The following MTM1 variants were observed in gnomAD, a reference collection of about 807,000 sequenced individuals.
The protein encoded by MTM1 is myotubularin 1, also known as myotubularin.
A neutral mutation model predicts 52.1 loss-of-function variants in MTM1; 9 were observed. The ratio of observed to expected loss-of-function variants is 0.17; its 90% CI spans 0.10 to 0.30. MTM1 has a LOEUF of 0.30. Among genes scored for constraint, MTM1 ranks in the 10% least tolerant of loss-of-function variants. The pLI is 1.00. For missense variants in MTM1, 277 were observed against 470.7 expected (o/e 0.59, Z 3.81); for synonymous variants, 136 against 163.8 (o/e 0.83, Z 1.29).
chrX:150,608,381 G>T lies in MTM1; in HGVS notation c.232-6208G>T, dbSNP rs138110882. ...CTATAGCTGCACACTACCATGGCCA[G>T]CTAATTTTTGTATTTTTTGTAGAGA... is the stretch of plus-strand genomic sequence containing the variant. On this transcript the variant is annotated intron_variant, in intron 4 of 14. Transcript: ENST00000370396. Among the ~76,000 whole-genome samples the T allele has an allele frequency of 6.0e-3, 660 of 110,354 alleles. 4 individuals carry two copies. Among genetic ancestry groups the T allele is most frequent in the African/African-American group, 0.02 (618 of 30,287 alleles).
At chrX:150,608,631 CACAT>C (rs1262815830) in intron 4 of MTM1, among the ~76,000 whole-genome samples, 2 of 111,835 alleles carry the variant, frequency 1.8e-5, no homozygotes, top group Non-Finnish European at 3.8e-5. Context: ...AGCATGGCCT[CACAT>C]ACATATTTTG....
Position 150,671,842 on chromosome X carries a change from T to C in MTM1, c.*247T>C. 2.5e-6 allele frequency: 1 copy of C among 405,183 alleles called. No homozygotes were observed. Among genetic ancestry groups the C allele is most frequent in the Non-Finnish European group, 4.3e-6 (1 of 233,850 alleles). 33.4% of individuals were successfully genotyped at this position (405,183 alleles called of 1,213,427 possible). On this transcript the variant is annotated 3_prime_UTR_variant, in exon 15 of 15. Transcript: ENST00000370396. Reference sequence around the variant, plus strand: ...ACCCTGACACCTTTAAAAAGCAGTTTTTGAAAGACAAAATTTAGATTTAAT... The same window carrying C: ...ACCCTGACACCTTTAAAAAGCAGTTCTTGAAAGACAAAATTTAGATTTAAT...
intron 6 of MTM1, 131 bp downstream of exon 6, chrX:150,619,270 G>A: frequency 1.9e-6 from 1 of 540,208 alleles, no homozygotes; most frequent in Middle Eastern, 3.6e-4. Context: ...CTGCAGAGGT[G>A]TTTATTAAAT....
intron 9 of MTM1, among the ~76,000 whole-genome samples, chrX:150,648,683 T>TG (rs1193922711): frequency 8.9e-6 from 1 of 112,814 alleles, no homozygotes; most frequent in African/African-American, 3.2e-5. Flanking sequence ...GTGTGGAAAA[T>TG]GGGCACTCTT....
chrX:150,658,692 A>G (rs1342151863), intron 11 of MTM1, among the ~76,000 whole-genome samples: 1 of 111,628 alleles, frequency 9.0e-6, no homozygotes, highest in African/African-American at 3.3e-5. Flanking sequence ...CCCTCTGAAT[A>G]TACATTTTGA....
intron 1 of MTM1, among the ~76,000 whole-genome samples, chrX:150,583,411 A>G (rs1408617146): frequency 2.4e-5 from 1 of 41,643 alleles, no homozygotes; most frequent in Non-Finnish European, 3.7e-5. Flanking sequence ...TATATATATT[A>G]TATTATATAT....
At chrX:150,670,895 A>G (rs1476044984) in intron 14 of MTM1, among the ~76,000 whole-genome samples, 3 of 112,202 alleles carry the variant, frequency 2.7e-5, no homozygotes, top group East Asian at 2.8e-4. Context: ...TATTCCTTCA[A>G]TGCAACTTAA....
chrX:150,633,976 A>C (rs2039714713), intron 6 of MTM1, among the ~76,000 whole-genome samples: 1 of 112,717 alleles, frequency 8.9e-6, no homozygotes, highest in East Asian at 2.8e-4. Flanking sequence ...CGGAGGTTGC[A>C]GTGAGCCAAG....
At chrX:150,671,326 G>A in intron 14 of MTM1, 102 bp from the exon 15 acceptor site, 1 of 932,374 alleles carries the variant, frequency 1.1e-6, no homozygotes, top group Non-Finnish European at 1.5e-6. Context: ...TTTGAGTAAA[G>A]GGCTTATTTA....
chrX:150,649,636 A>G, intron 9 of MTM1, 80 bp from the exon 10 acceptor site: 1 of 934,503 alleles, frequency 1.1e-6, no homozygotes, highest in East Asian at 3.1e-5. Flanking sequence ...TTTGGAGGAC[A>G]AATAACTAGA....
intron 1 of MTM1, among the ~76,000 whole-genome samples, chrX:150,570,803 AAAG>A (rs1170707737): frequency 8.9e-6 from 1 of 112,063 alleles, no homozygotes; most frequent in Non-Finnish European, 1.9e-5. Context: ...GCTCAAGAGA[AAAG>A]AAGCACTCAT....
chrX:150,656,727 A>G (rs1185469778), intron 10 of MTM1, among the ~76,000 whole-genome samples: 2 of 111,758 alleles, frequency 1.8e-5, no homozygotes, highest in Admixed American at 9.5e-5. Context: ...CAATCTACCC[A>G]TCTGACAAAG....
At chrX:150,633,160 A>G (rs999958891) in intron 6 of MTM1, among the ~76,000 whole-genome samples, 2 of 112,424 alleles carry the variant, frequency 1.8e-5, no homozygotes, top group African/African-American at 6.5e-5. Context: ...TGACATTTCA[A>G]ATGTACATTT....
At chrX:150,638,846 A>G (rs1237361009) in intron 6 of MTM1, 97 bp from the exon 7 acceptor site, 1 of 657,097 alleles carries the variant, frequency 1.5e-6, no homozygotes, top group African/African-American at 2.2e-5. Flanking sequence ...ATGGTCGGCA[A>G]ATCTGGTGAA....
Position 150,660,400 on chromosome X carries a change from A to G in MTM1, c.1383A>G (p.Gln461=), listed in dbSNP as rs782410861. The G allele has an allele frequency of 7.5e-6, 9 of 1,197,079 alleles. No individual in the cohort carries two copies. The highest frequency in any genetic ancestry group is 3.0e-5 in the East Asian group (1 of 33,711). ...QFPTAFEFNE[Q]FLIIILDHLY... is the part of the protein sequence containing the mutation. ...CTACAGCTTTTGAATTCAATGAACA[A>G]TTTTTGATTATAATTTTGGATCATC... The change falls in exon 13 of 15, where the codon CAA becomes CAG. Residue 461 remains glutamine (Q), a synonymous_variant. Transcript: ENST00000370396.
intron 6 of MTM1, among the ~76,000 whole-genome samples, chrX:150,628,721 T>G (rs1329386722): frequency 9.5e-6 from 1 of 104,781 alleles, no homozygotes; most frequent in African/African-American, 3.7e-5. Context: ...GGTTTTCATT[T>G]CTTCCTTTTC....
chrX:150,594,384 A>G (rs1569565379), intron 2 of MTM1, among the ~76,000 whole-genome samples: 1 of 111,679 alleles, frequency 9.0e-6, no homozygotes, highest in African/African-American at 3.3e-5. Flanking sequence ...TGCTGGGATT[A>G]CAGGCATGGA....
At chrX:150,608,579 A>G (rs2090307) in intron 4 of MTM1, among the ~76,000 whole-genome samples, 41,042 of 110,728 alleles carry the variant, frequency 0.37, 6,673 homozygotes, top group East Asian at 0.68. Flanking sequence ...GTTTTGAAAT[A>G]CATACACATT....
intron 6 of MTM1, among the ~76,000 whole-genome samples, chrX:150,631,731 G>A (rs1423611326): frequency 9.6e-6 from 1 of 104,668 alleles, no homozygotes; most frequent in Non-Finnish European, 1.9e-5. Context: ...CTAGTAATTT[G>A]GTTTCTTCCT....
Sources: gnomAD v4.1 joint callset for allele counts (sites outside exome capture counted in the v4.1 genomes callset) on GRCh38, gnomAD v4.1.1 for gene constraint, MANE v1.5 for transcripts, NCBI Gene and HGNC (gene_info 2026-07-23, HGNC 2026-07-21) for gene names.